ATXN7L1: variants seen among roughly 807,000 people sequenced by gnomAD.
ATXN7L1 encodes the protein ataxin 7 like 1.
Under a neutral mutation model 70.8 loss-of-function variants are expected in ATXN7L1, and 15 were observed. That is an observed-to-expected ratio of 0.21 (90% confidence interval 0.14 to 0.33). The LOEUF (loss-of-function observed/expected upper bound fraction) is 0.33. Ranked by LOEUF, ATXN7L1 falls within the 10% of genes least tolerant of loss-of-function variation. The pLI, the probability that ATXN7L1 is intolerant of heterozygous loss-of-function variation, is 1.00. For missense variants in ATXN7L1, 975 were observed against 1,097.1 expected (o/e 0.89, Z 1.57); for synonymous variants, 440 against 445.1 (o/e 0.99, Z 0.14).
At chr7:105,872,085 C>T (rs976232267) in intron 2 of ATXN7L1, among the ~76,000 whole-genome samples, 8 of 151,956 alleles carry the variant, frequency 5.3e-5, no homozygotes, top group Admixed American at 1.3e-4. Flanking sequence ...CTCCGCCTCC[C>T]GGGTTCACGC....
intron 2 of ATXN7L1, among the ~76,000 whole-genome samples, chr7:105,872,715 T>C (rs1424987973): frequency 6.6e-6 from 1 of 151,916 alleles, no homozygotes; most frequent in Non-Finnish European, 1.5e-5. Context: ...CTGACTGGGA[T>C]GATGGAAAAT....
intron 2 of ATXN7L1, among the ~76,000 whole-genome samples, chr7:105,855,359 A>G (rs1563146808): frequency 6.6e-6 from 1 of 152,252 alleles, no homozygotes; most frequent in Non-Finnish European, 1.5e-5. Flanking sequence ...ATAAAACTTT[A>G]TTAAAAACAG....
chr7:105,749,661 A>G (rs1004824408), intron 3 of ATXN7L1, among the ~76,000 whole-genome samples: 2 of 151,642 alleles, frequency 1.3e-5, no homozygotes, highest in African/African-American at 4.8e-5. Flanking sequence ...ATCCCTTAAT[A>G]TCCCTGGATT....
intron 3 of ATXN7L1, among the ~76,000 whole-genome samples, chr7:105,737,680 T>C (rs1797552688): frequency 2.0e-5 from 3 of 152,094 alleles, no homozygotes; most frequent in Admixed American, 2.0e-4. Flanking sequence ...GGGTATAAAA[T>C]TAATTGGAGG....
intron 2 of ATXN7L1, among the ~76,000 whole-genome samples, chr7:105,864,192 A>C (rs984817392): frequency 6.6e-6 from 1 of 152,098 alleles, no homozygotes; most frequent in Non-Finnish European, 1.5e-5. Context: ...GTGGTGGCTC[A>C]CACCTGTAAT....
At chr7:105,840,000 T>C (rs1282440869) in intron 2 of ATXN7L1, among the ~76,000 whole-genome samples, 25 of 152,200 alleles carry the variant, frequency 1.6e-4, no homozygotes. Context: ...TGGGCCTTCA[T>C]GGATGAGTAG....
intron 3 of ATXN7L1, among the ~76,000 whole-genome samples, chr7:105,730,516 T>C (rs759015449): frequency 6.6e-6 from 1 of 152,050 alleles, no homozygotes; most frequent in Non-Finnish European, 1.5e-5. Flanking sequence ...GTGGATCACA[T>C]GGTCAGGAGT....
At chr7:105,771,029 G>A (rs769336793) in intron 3 of ATXN7L1, among the ~76,000 whole-genome samples, 19 of 151,810 alleles carry the variant, frequency 1.3e-4, no homozygotes, top group Admixed American at 3.3e-4. Flanking sequence ...GTGACATCCC[G>A]TCTCTACTAA....
In ATXN7L1 at chr7:105,804,586, CCTGGGG is replaced by C; in HGVS notation, c.251-15884_251-15879del. Among the ~76,000 whole-genome samples, 3 of 152,212 alleles carry C rather than the reference CCTGGGG, an allele frequency of 2.0e-5. No individual in the cohort carries two copies. In the South Asian group the frequency reaches 6.2e-4, roughly 32 times the overall value. On this transcript the variant is annotated intron_variant, in intron 2 of 11. Transcript: ENST00000419735. Reference sequence around the variant, plus strand: ...ACTTATTCTATGTGTTGGGTGCTGGCCTGGGGCTAGACTATGATAGACCCTTAAGGA... The same window carrying C: ...ACTTATTCTATGTGTTGGGTGCTGGCCTAGACTATGATAGACCCTTAAGGA...
chr7:105,742,313 T>C (rs1352753548), intron 3 of ATXN7L1, among the ~76,000 whole-genome samples: 2 of 152,242 alleles, frequency 1.3e-5, no homozygotes, highest in Non-Finnish European at 2.9e-5. Context: ...TTCTCAAATA[T>C]GCCTGCATCG....
chr7:105,771,717 A>T (rs1802036709), intron 3 of ATXN7L1, among the ~76,000 whole-genome samples: 1 of 152,250 alleles, frequency 6.6e-6, no homozygotes, highest in Non-Finnish European at 1.5e-5. Context: ...TGGGTAAAGT[A>T]TGCAAAGATT....
At chr7:105,654,342 A>G (rs970583624) in intron 4 of ATXN7L1, among the ~76,000 whole-genome samples, 1 of 152,268 alleles carries the variant, frequency 6.6e-6, no homozygotes, top group African/African-American at 2.4e-5. Flanking sequence ...ATGCATGAGC[A>G]GTGAGTTATG....
chr7:105,624,303 A>G, intron 7 of ATXN7L1, 36 bp from the exon 8 acceptor site: 2 of 1,322,584 alleles, frequency 1.5e-6, no homozygotes, highest in Non-Finnish European at 9.8e-7. Flanking sequence ...AAAATAAACC[A>G]AATGAACCTT....
At chr7:105,705,430 A>G (rs1040621840) in intron 3 of ATXN7L1, among the ~76,000 whole-genome samples, 1 of 151,972 alleles carries the variant, frequency 6.6e-6, no homozygotes, top group African/African-American at 2.4e-5. Context: ...TTTTTGGGGG[A>G]AAAACTAGAT....
chr7:105,835,149 G>GTTTTTTTTT (rs10587073), intron 2 of ATXN7L1, among the ~76,000 whole-genome samples: 15 of 67,330 alleles, frequency 2.2e-4, no homozygotes, highest in South Asian at 7.8e-4. Flanking sequence ...TAAGTGTGTG[G>GTTTTTTTTT]TTTTTTTTTT....
chr7:105,656,703 T>G (rs956587447), intron 4 of ATXN7L1, among the ~76,000 whole-genome samples: 3 of 151,760 alleles, frequency 2.0e-5, no homozygotes, highest in Non-Finnish European at 4.4e-5. Flanking sequence ...CCCAAGTAGC[T>G]GGGATTACAG....
intron 3 of ATXN7L1, among the ~76,000 whole-genome samples, chr7:105,747,389 T>C (rs118170002): frequency 0.015 from 2,329 of 152,296 alleles, 35 homozygotes; most frequent in Non-Finnish European, 0.022. Flanking sequence ...TAAGAGGAAC[T>C]CACTTTCAGG....
At chr7:105,638,320 A>G in intron 7 of ATXN7L1, 33 bp downstream of exon 7, 1 of 1,535,168 alleles carries the variant, frequency 6.5e-7, no homozygotes, top group Non-Finnish European at 8.8e-7. Context: ...TTGACCAAGC[A>G]TTCAGGGCTT....
At chr7:105,689,286 G>A (rs1790052) in intron 3 of ATXN7L1, among the ~76,000 whole-genome samples, 1,560 of 152,300 alleles carry the variant, frequency 0.01, 28 homozygotes, top group African/African-American at 0.036. Flanking sequence ...GAATCAAAGT[G>A]AGGAAGGAGG....
Sources: gnomAD v4.1 joint callset for allele counts (sites outside exome capture counted in the v4.1 genomes callset) on GRCh38, gnomAD v4.1.1 for gene constraint, MANE v1.5 for transcripts, NCBI Gene and HGNC (gene_info 2026-07-23, HGNC 2026-07-21) for gene names.